Variants in CNBD1 observed in about 807,000 individuals in gnomAD.
CNBD1 encodes the protein cyclic nucleotide-binding domain-containing protein 1.
A neutral mutation model predicts 54.4 loss-of-function variants in CNBD1; 71 were observed. That is an observed-to-expected ratio of 1.30 (90% CI 1.08 to 1.59). The LOEUF (loss-of-function observed/expected upper bound fraction) is 1.59. Ranked by LOEUF, CNBD1 falls within the 40% of genes most tolerant of loss-of-function variation. The pLI is 0.00. For missense variants in CNBD1, 659 were observed against 518.0 expected, an observed-to-expected ratio of 1.27 and a Z score of -2.64; for synonymous variants, 182 against 170.7, an observed-to-expected ratio of 1.07 and a Z score of -0.51.
At chr8:87,143,421 T>C (rs1187713150) in intron 4 of CNBD1, among the ~76,000 whole-genome samples, 1 of 152,208 alleles carries the variant, frequency 6.6e-6, no homozygotes, top group Non-Finnish European at 1.5e-5. Context: ...ACTCAATATG[T>C]ACAAATATGC....
downstream of CNBD1, among the ~76,000 whole-genome samples, chr8:87,386,852 A>G (rs186719843): frequency 6.6e-6 from 1 of 152,340 alleles, no homozygotes; most frequent in African/African-American, 2.4e-5. Context: ...CAGGGCAGCT[A>G]GAGAGAAAGG....
chr8:87,021,622 C>T (rs1348791121), intron 4 of CNBD1, among the ~76,000 whole-genome samples: 2 of 152,176 alleles, frequency 1.3e-5, no homozygotes, highest in African/African-American at 4.8e-5. Flanking sequence ...CCTGGAGACA[C>T]TTTTTCTTGT....
chr8:87,133,817 A>G (rs1265085329), intron 4 of CNBD1, among the ~76,000 whole-genome samples: 1 of 152,096 alleles, frequency 6.6e-6, no homozygotes, highest in Non-Finnish European at 1.5e-5. Context: ...GATAATTAGG[A>G]AATGTTTGAT....
intron 2 of CNBD1, among the ~76,000 whole-genome samples, chr8:87,407,161 C>T (rs1675513604): frequency 6.6e-6 from 1 of 152,004 alleles, no homozygotes; most frequent in African/African-American, 2.4e-5. Context: ...CTTTCAGTTA[C>T]TTACTTACTA....
intron 8 of CNBD1, among the ~76,000 whole-genome samples, chr8:87,344,987 G>A (rs879373413): frequency 3.3e-5 from 5 of 152,058 alleles, no homozygotes; most frequent in Non-Finnish European, 7.4e-5. Flanking sequence ...TTCTCCTTTT[G>A]ACACAAATAT....
intron 4 of CNBD1, among the ~76,000 whole-genome samples, chr8:87,181,379 A>G (rs1392061633): frequency 6.6e-6 from 1 of 152,206 alleles, no homozygotes; most frequent in Non-Finnish European, 1.5e-5. Context: ...TTCCTTGTGC[A>G]TCTCTACAAT....
chr8:86,901,536 C>T (rs79741639), intron 2 of CNBD1, among the ~76,000 whole-genome samples: 9,428 of 152,180 alleles, frequency 0.062, 316 homozygotes, highest in African/African-American at 0.094. Context: ...TAGGGTATTT[C>T]GGGCTGCTAT....
intron 2 of CNBD1, among the ~76,000 whole-genome samples, chr8:87,408,072 G>C (rs896154322): frequency 6.6e-6 from 1 of 151,886 alleles, no homozygotes; most frequent in African/African-American, 2.4e-5. Context: ...ATAACTTTCT[G>C]TATTATCTTC....
At chr8:87,046,418 C>T (rs1339864507) in intron 4 of CNBD1, among the ~76,000 whole-genome samples, 1 of 152,052 alleles carries the variant, frequency 6.6e-6, no homozygotes, top group Non-Finnish European at 1.5e-5. Context: ...AGGGTACTTT[C>T]TAGAAAGGAG....
intron 2 of CNBD1, among the ~76,000 whole-genome samples, chr8:87,398,410 G>A (rs1051395531): frequency 6.6e-6 from 1 of 151,718 alleles, no homozygotes; most frequent in Non-Finnish European, 1.5e-5. Context: ...CCTATTTGTG[G>A]ACCAGTTTGT....
intron 8 of CNBD1, among the ~76,000 whole-genome samples, chr8:87,343,570 A>C (rs927030541): frequency 6.6e-6 from 1 of 152,190 alleles, no homozygotes; most frequent in Non-Finnish European, 1.5e-5. Context: ...TCTTGTCAAC[A>C]TCTCCTGTTA....
chr8:87,134,170 AT>A (rs2130729861), intron 4 of CNBD1, among the ~76,000 whole-genome samples: 1 of 152,316 alleles, frequency 6.6e-6, no homozygotes, highest in South Asian at 2.1e-4. Context: ...TTTGTTTAAA[AT>A]GTAAATGCAA....
At position 87,416,262 on chromosome 8, in the gene CNBD1, A is replaced by G. The variant is rs374398617; in HGVS notation, c.214-12284A>G. Among the ~76,000 whole-genome samples the G allele has an allele frequency of 1.3e-4, 20 of 152,198 alleles. No homozygotes were observed. In the East Asian group the frequency reaches 2.9e-3, roughly 22 times the overall value. On this transcript the variant is annotated intron_variant, in intron 2 of 7. Coordinates refer to the CNBD1 transcript ENST00000521593. Reference sequence around the variant, plus strand: ...AGATAAAAATAAGTAGAAAGCTACCATCAGCAAAAATGACAAAATAAGGAC... The same window carrying G: ...AGATAAAAATAAGTAGAAAGCTACCGTCAGCAAAAATGACAAAATAAGGAC...
chr8:87,086,654 A>G (rs1811101533), intron 4 of CNBD1, among the ~76,000 whole-genome samples: 1 of 152,216 alleles, frequency 6.6e-6, no homozygotes. Context: ...CCAAAATACT[A>G]TTTATTTTCA....
chr8:87,336,659 G>GA (rs1809949953), intron 8 of CNBD1, among the ~76,000 whole-genome samples: 2 of 151,998 alleles, frequency 1.3e-5, no homozygotes, highest in South Asian at 4.1e-4. Flanking sequence ...TTACCTCAGT[G>GA]AAGTTTGTTA....
At chr8:87,340,904 T>A (rs1810051024) in intron 8 of CNBD1, among the ~76,000 whole-genome samples, 1 of 152,118 alleles carries the variant, frequency 6.6e-6, no homozygotes, top group Non-Finnish European at 1.5e-5. Context: ...TCTGAAGTTT[T>A]ATTTATTTAT....
chr8:86,918,112 CT>C (rs1809215894), intron 3 of CNBD1, among the ~76,000 whole-genome samples: 1 of 152,016 alleles, frequency 6.6e-6, no homozygotes, highest in African/African-American at 2.4e-5. Context: ...AGTAAAATGC[CT>C]TTTAAATATG....
At chr8:86,968,787 A>C (rs1808152175) in intron 4 of CNBD1, among the ~76,000 whole-genome samples, 1 of 152,198 alleles carries the variant, frequency 6.6e-6, no homozygotes, top group Non-Finnish European at 1.5e-5. Context: ...GTGAATCTGC[A>C]TTTTTTGTAA....
intron 4 of CNBD1, among the ~76,000 whole-genome samples, chr8:87,152,566 T>TGGTATAA (rs1812627470): frequency 6.6e-6 from 1 of 152,076 alleles, no homozygotes; most frequent in South Asian, 2.1e-4. Flanking sequence ...TGGACAAGGC[T>TGGTATAA]GGTATCGAAC....
Sources: gnomAD v4.1 joint callset for allele counts (sites outside exome capture counted in the v4.1 genomes callset) on GRCh38, gnomAD v4.1.1 for gene constraint, MANE v1.5 for transcripts, NCBI Gene and HGNC (gene_info 2026-07-23, HGNC 2026-07-21) for gene names.